Variants in ACSF3 observed in about 807,000 individuals in gnomAD.
The protein encoded by ACSF3 is malonate--CoA ligase ACSF3, mitochondrial.
ACSF3 carries 78 observed loss-of-function variants against 53.2 expected under a neutral mutation model. The observed-to-expected ratio is 1.47, with a 90% CI of 1.22 to 1.77. The LOEUF (loss-of-function observed/expected upper bound fraction) is 1.77. ACSF3 is among the 40% of genes most tolerant of loss of function. The probability of loss-of-function intolerance (pLI) is 0.00; values close to 1 mark genes in which losing one functional copy is unlikely to be tolerated. For synonymous variants in ACSF3, 414 were observed against 333.1 expected (o/e 1.24, Z -2.65); for missense variants, 937 against 771.1 (o/e 1.22, Z -2.55).
chr16:89,096,376 G>A (rs906755690), intron 1 of ACSF3, among the ~76,000 whole-genome samples: 1 of 152,172 alleles, frequency 6.6e-6, no homozygotes, highest in Admixed American at 6.5e-5. Flanking sequence ...GAGGAAGCTG[G>A]GGTGCCTCTG....
Position 89,155,324 on chromosome 16 carries a change from G to A in ACSF3, c.*1117G>A, listed in dbSNP as rs556878525. On this transcript the variant is annotated 3_prime_UTR_variant, in exon 11 of 11. Coordinates refer to ENST00000614302, the MANE Select transcript of ACSF3 (RefSeq NM_001243279.3). ...AAGAGTGGCCAGAAACGAGTGTGCC[G>A]GGCAGGAGGCCAGCCCCATCTCAGG... 67 of 452,936 alleles carry A rather than the reference G, an allele frequency of 1.5e-4. No individual in the cohort carries two copies. Among genetic ancestry groups the A allele is most frequent in the Admixed American group, 5.4e-4 (23 of 42,570 alleles). The allele number at this position is 452,936 out of a possible 1,614,324, so 28.1% of individuals were successfully genotyped here.
At chr16:89,103,245 T>C (rs892991148) in intron 4 of ACSF3, among the ~76,000 whole-genome samples, 1 of 152,276 alleles carries the variant, frequency 6.6e-6, no homozygotes, top group Non-Finnish European at 1.5e-5. Flanking sequence ...CGCGAGCTCC[T>C]GCGGCTGCGG....
chr16:89,139,466 C>T (rs1489502927), intron 8 of ACSF3, among the ~76,000 whole-genome samples: 4 of 151,936 alleles, frequency 2.6e-5, no homozygotes, highest in African/African-American at 7.3e-5. Flanking sequence ...CCTTGCTTGT[C>T]GGTTTGGCTG....
chr16:89,129,567 G>C (rs1294528665), intron 7 of ACSF3, among the ~76,000 whole-genome samples: 2 of 152,058 alleles, frequency 1.3e-5, no homozygotes, highest in African/African-American at 4.8e-5. Flanking sequence ...TTTAAATCCA[G>C]CCTGACAAGC....
At chr16:89,101,559 G>T (rs941119482) in intron 3 of ACSF3, among the ~76,000 whole-genome samples, 5 of 152,206 alleles carry the variant, frequency 3.3e-5, no homozygotes, top group Non-Finnish European at 7.3e-5. Flanking sequence ...GAGCGTCCAG[G>T]TGTAGAGGGA....
At position 89,093,938 on chromosome 16, in the gene ACSF3, A is replaced by G; in HGVS notation, c.-252A>G. On this transcript the variant is annotated 5_prime_UTR_variant, in exon 1 of 11. Coordinates refer to ENST00000614302, the MANE Select transcript of ACSF3 (RefSeq NM_001243279.3). Reference sequence around the variant, plus strand: ...CCCGACCCCGGCGCGCGCGCGGCGGAGGACGAGGAAGAGTTGTGGCGAGGC... The same window carrying G: ...CCCGACCCCGGCGCGCGCGCGGCGGGGGACGAGGAAGAGTTGTGGCGAGGC... The G allele has an allele frequency of 3.1e-6, 1 of 326,398 alleles. No homozygotes were observed. The highest frequency in any genetic ancestry group is 6.4e-6 in the Non-Finnish European group (1 of 156,408). 20.2% of individuals were successfully genotyped at this position (326,398 alleles called of 1,614,324 possible).
chr16:89,143,042 G>A (rs1912171542), intron 8 of ACSF3, among the ~76,000 whole-genome samples: 1 of 152,190 alleles, frequency 6.6e-6, no homozygotes, highest in Non-Finnish European at 1.5e-5. Flanking sequence ...CTGGAGATGG[G>A]GAAGAAAATT....
At chr16:89,108,619 G>T (rs992362260) in intron 4 of ACSF3, among the ~76,000 whole-genome samples, 3 of 152,170 alleles carry the variant, frequency 2.0e-5, no homozygotes, top group Non-Finnish European at 2.9e-5. Context: ...AGATGGCAGC[G>T]TGTGCAAATG....
In ACSF3 at chr16:89,133,243, G is replaced by A. The variant is rs12447947; in HGVS notation, c.1347G>A (p.Leu449=). ...AAGAAACTAAGAGTGCATTCACCCT[G>A]GATGGCTGGTTTAAGACAGGTAGGA... ...KPEETKSAFT[L]DGWFKTGDTV... The change falls in exon 8 of 11, where the codon CTG becomes CTA. Residue 449 remains leucine (L), a synonymous_variant. Transcript: ENST00000614302. 0.31 allele frequency: 499,205 copies of A among 1,613,748 alleles called. 85,493 individuals are homozygous for A. Among genetic ancestry groups the A allele is most frequent in the Middle Eastern group, 0.41 (2,492 of 6,050 alleles).
At position 89,101,112 on chromosome 16, in the gene ACSF3, C is replaced by G. The variant is rs774006659; in HGVS notation, c.431C>G (p.Ser144Cys). 6.2e-7 allele frequency: 1 copy of G among 1,614,118 alleles called. No homozygotes were observed. Among genetic ancestry groups the G allele is most frequent in the Non-Finnish European group, 8.5e-7 (1 of 1,180,042 alleles). The change falls in exon 3 of 11, where the codon TCT (serine) becomes TGT (cysteine). Residue 144 changes from serine (S) to cysteine (C), a missense_variant. Ser to Cys is a moderately radical substitution (Grantham distance 112, BLOSUM62 -1). Coordinates refer to ENST00000614302, the MANE Select transcript of ACSF3 (RefSeq NM_001243279.3). ...LEYVICDSQS[S>C]VVLASQEYLE... ...TATGTCATCTGCGACTCCCAGAGCT[C>G]TGTGGTCCTTGCCAGCCAGGAGTAC...
At chr16:89,128,296 C>A (rs372724580) in intron 7 of ACSF3, among the ~76,000 whole-genome samples, 1 of 149,914 alleles carries the variant, frequency 6.7e-6, no homozygotes, top group African/African-American at 2.5e-5. Flanking sequence ...GTTTCGCTCT[C>A]GTTGCCCAGG....
At chr16:89,147,530 G>GT (rs1435912709) in intron 10 of ACSF3, 1 of 84,240 alleles carries the variant, frequency 1.2e-5, no homozygotes, top group African/African-American at 4.6e-5. Context: ...TGAGCGGGGG[G>GT]GGGGGGAGGG....
intron 8 of ACSF3, among the ~76,000 whole-genome samples, chr16:89,138,456 G>A (rs1212106850): frequency 1.3e-5 from 2 of 152,256 alleles, no homozygotes; most frequent in Non-Finnish European, 2.9e-5. Context: ...AGGCTCGTCT[G>A]GCTGGTGCCA....
chr16:89,114,817 G>C, intron 6 of ACSF3: 1 of 397,186 alleles, frequency 2.5e-6, no homozygotes, highest in Non-Finnish European at 4.8e-6. Context: ...GGGCCATGCT[G>C]TTGGCTCCAG....
rs558773398 is a variant in ACSF3, at chr16:89,131,127, C to CTTT, written c.1240-1987_1240-1985dup. On this transcript the variant is annotated intron_variant, in intron 7 of 10. Transcript: ENST00000614302. ...TTTCTTTCTTTTTCTTTTTCTTTTT[C>CTTT]TTTTTTTTTTTTTTTTTTTTTTTTG... Among the ~76,000 whole-genome samples the CTTT allele has an allele frequency of 7.7e-3, 536 of 69,500 alleles. 3 individuals carry two copies. Among genetic ancestry groups the CTTT allele is most frequent in the Non-Finnish European group, 8.8e-3 (340 of 38,852 alleles). The allele number at this position is 69,500 out of a possible 152,430, so 45.6% of individuals were successfully genotyped here. A position where few individuals can be genotyped will look rare whatever the true frequency, so the allele number is the denominator to read the frequency against.
At chr16:89,125,726 T>C (rs1170213386) in intron 7 of ACSF3, among the ~76,000 whole-genome samples, 3 of 131,088 alleles carry the variant, frequency 2.3e-5, no homozygotes, top group Non-Finnish European at 3.4e-5. Flanking sequence ...GAGATGTTGA[T>C]TGGAATTTAG....
chr16:89,120,201 G>T (rs1351253702), intron 6 of ACSF3, among the ~76,000 whole-genome samples: 2 of 152,262 alleles, frequency 1.3e-5, no homozygotes, highest in Non-Finnish European at 2.9e-5. Context: ...GCCACGTTGA[G>T]ACTGTGCAGG....
Position 89,156,060 on chromosome 16 carries a change from C to T in ACSF3, c.*1853C>T, listed in dbSNP as rs1567761238. ...GCGGTTGAATGCCGTGTTCTAAAGT[C>T]ACGAGTGACTCTCCAGCTGGTCCCT... On this transcript the variant is annotated 3_prime_UTR_variant, in exon 11 of 11. Coordinates refer to ENST00000614302, the MANE Select transcript of ACSF3 (RefSeq NM_001243279.3). Among the ~76,000 whole-genome samples, 1 of 152,164 alleles carries T rather than the reference C, an allele frequency of 6.6e-6. No homozygotes were observed. Among genetic ancestry groups the T allele is most frequent in the Non-Finnish European group, 1.5e-5 (1 of 68,036 alleles).
chr16:89,096,372 G>C (rs1211111533), intron 1 of ACSF3, among the ~76,000 whole-genome samples: 1 of 152,202 alleles, frequency 6.6e-6, no homozygotes, highest in Non-Finnish European at 1.5e-5. Context: ...CTCTGAGGAA[G>C]CTGGGGTGCC....
Sources: allele counts gnomAD v4.1 joint callset (sites outside exome capture counted in the v4.1 genomes callset), GRCh38; gene constraint gnomAD v4.1.1; transcripts MANE v1.5; gene names NCBI Gene and HGNC (gene_info 2026-07-23, HGNC 2026-07-21).